Variants in SCN8A observed in about 807,000 individuals in gnomAD.
SCN8A encodes the protein sodium channel protein type 8 subunit alpha.
In SCN8A, 30 loss-of-function variants were observed where a neutral mutation model predicts 184.1. The observed-to-expected ratio is 0.16, with a 90% confidence interval of 0.12 to 0.22. The LOEUF is 0.22. SCN8A is among the 10% of genes least tolerant of loss of function. SCN8A has a pLI of 1.00. For missense variants in SCN8A, 1,057 were observed against 2,498.9 expected (o/e 0.42, Z 12.30); for synonymous variants, 852 against 907.0 (o/e 0.94, Z 1.09).
intron 1 of SCN8A, among the ~76,000 whole-genome samples, chr12:51,619,728 A>G (rs1317572109): frequency 6.6e-6 from 1 of 152,210 alleles, no homozygotes; most frequent in Admixed American, 6.5e-5. Flanking sequence ...AGATGTGTCA[A>G]CAAGCTGTGA....
intron 6 of SCN8A, among the ~76,000 whole-genome samples, chr12:51,696,794 G>T (rs887315933): frequency 3.3e-5 from 5 of 152,018 alleles, no homozygotes; most frequent in African/African-American, 7.3e-5. Context: ...ACTTTGGGAG[G>T]CCAAGGTGGG....
intron 2 of SCN8A, among the ~76,000 whole-genome samples, chr12:51,666,701 C>T (rs1397125007): frequency 1.3e-5 from 2 of 152,058 alleles, no homozygotes; most frequent in Non-Finnish European, 2.9e-5. Context: ...TTCTTATTTC[C>T]TTCCCTCTTT....
At chr12:51,631,011 C>T (rs1174151812) in intron 1 of SCN8A, among the ~76,000 whole-genome samples, 1 of 152,196 alleles carries the variant, frequency 6.6e-6, no homozygotes, top group Admixed American at 6.5e-5. Context: ...CTAATGGCAG[C>T]TTGCTGTGCC....
chr12:51,730,129 C>T (rs1942216935), intron 12 of SCN8A, among the ~76,000 whole-genome samples: 1 of 151,604 alleles, frequency 6.6e-6, no homozygotes, highest in African/African-American at 2.4e-5. Flanking sequence ...GATGCCTACC[C>T]CCAAGAACAT....
At chr12:51,616,511 T>C (rs1442826633) in intron 1 of SCN8A, among the ~76,000 whole-genome samples, 2 of 147,150 alleles carry the variant, frequency 1.4e-5, no homozygotes, top group South Asian at 2.2e-4. Flanking sequence ...ACTCAGGAGG[T>C]TGAGGCAGGA....
intron 6 of SCN8A, among the ~76,000 whole-genome samples, chr12:51,699,325 A>G (rs1941644589): frequency 1.3e-5 from 2 of 152,256 alleles, no homozygotes; most frequent in Non-Finnish European, 1.5e-5. Context: ...CCAGGAAGAA[A>G]GGAGCCACAT....
intron 6 of SCN8A, among the ~76,000 whole-genome samples, chr12:51,692,586 CCTT>C (rs1375260574): frequency 6.6e-6 from 1 of 152,102 alleles, no homozygotes; most frequent in East Asian, 1.9e-4. Context: ...TAGAGGAGAC[CCTT>C]TCTAAATTTT....
intron 6 of SCN8A, among the ~76,000 whole-genome samples, chr12:51,692,257 T>C (rs1381245243): frequency 6.6e-6 from 1 of 152,172 alleles, no homozygotes; most frequent in East Asian, 1.9e-4. Context: ...GAGCTTTTCC[T>C]TTCCTAGAGC....
Position 51,809,557 on chromosome 12 carries a change from A to T in SCN8A, c.*2128A>T, listed in dbSNP as rs1412056977. ...CCGTAGAATTTTTGTACTACACCCA[A>T]TACCAGACTGGGAAGGCCTATCTTT... On this transcript the variant is annotated 3_prime_UTR_variant, in exon 27 of 27. Coordinates refer to ENST00000627620, the MANE Select transcript of SCN8A (RefSeq NM_001330260.2). The T allele has an allele frequency of 6.6e-6, 1 of 152,216 alleles. No individual in the cohort carries two copies. The highest frequency in any genetic ancestry group is 1.5e-5 in the Non-Finnish European group (1 of 68,036). 9.4% of individuals were successfully genotyped at this position (152,216 alleles called of 1,614,324 possible). A position where few individuals can be genotyped will look rare whatever the true frequency, so the allele number is the denominator to read the frequency against.
At position 51,722,036 on chromosome 12, in the gene SCN8A, G is replaced by A; in HGVS notation, c.1998+128G>A. On this transcript the variant is annotated intron_variant, in intron 12 of 26. Coordinates refer to ENST00000627620, the MANE Select transcript of SCN8A (RefSeq NM_001330260.2). ...CTGCTCTGCCCATCCCACTTGGTCT[G>A]TCTGGACCCCACTCCTGTTAACACC... 4 of 1,486,078 alleles carry A rather than the reference G, an allele frequency of 2.7e-6. No individual in the cohort carries two copies. The South Asian group carries it at 4.7e-5, about 17-fold the overall frequency. The allele number at this position is 1,486,078 out of a possible 1,614,324, so 92.1% of individuals were successfully genotyped here.
chr12:51,799,874 G>A (rs968671135), intron 26 of SCN8A, among the ~76,000 whole-genome samples: 2 of 152,134 alleles, frequency 1.3e-5, no homozygotes, highest in African/African-American at 4.8e-5. Context: ...TCAGCACTGG[G>A]CCCCTAGAAA....
At chr12:51,750,895 ACCCTGT>A (rs1338888914) in intron 13 of SCN8A, among the ~76,000 whole-genome samples, 1 of 152,228 alleles carries the variant, frequency 6.6e-6, no homozygotes, top group Non-Finnish European at 1.5e-5. Flanking sequence ...TTGAGGATTT[ACCCTGT>A]GCCAGATACT....
intron 1 of SCN8A, among the ~76,000 whole-genome samples, chr12:51,642,082 C>T (rs1418820600): frequency 6.6e-6 from 1 of 152,222 alleles, no homozygotes; most frequent in Non-Finnish European, 1.5e-5. Context: ...TCTGCAGCGT[C>T]AGCCACATTC....
intron 1 of SCN8A, among the ~76,000 whole-genome samples, chr12:51,645,963 AAAT>A (rs1555212655): frequency 8.9e-5 from 12 of 134,092 alleles, no homozygotes; most frequent in African/African-American, 2.6e-4. Context: ...AAAAAAAAAA[AAAT>A]AATAATAAAA....
chr12:51,633,668 C>T (rs1226746220), intron 1 of SCN8A, among the ~76,000 whole-genome samples: 1 of 152,166 alleles, frequency 6.6e-6, no homozygotes, highest in Non-Finnish European at 1.5e-5. Context: ...GGGGTGTACT[C>T]ACTGTTGGAT....
intron 1 of SCN8A, among the ~76,000 whole-genome samples, chr12:51,655,762 C>T (rs1486530853): frequency 6.6e-6 from 1 of 152,186 alleles, no homozygotes; most frequent in Non-Finnish European, 1.5e-5. Flanking sequence ...AGTTCAATCT[C>T]TTTTAGAACT....
chr12:51,630,869 T>C (rs561185873), intron 1 of SCN8A, among the ~76,000 whole-genome samples: 29 of 152,310 alleles, frequency 1.9e-4, no homozygotes, highest in African/African-American at 7.0e-4. Context: ...TTTCAAGACT[T>C]GTCAATCTTT....
chr12:51,778,495 G>T (rs1257671581), intron 20 of SCN8A, among the ~76,000 whole-genome samples: 1 of 151,954 alleles, frequency 6.6e-6, no homozygotes, highest in African/African-American at 2.4e-5. Context: ...CACCATGTTG[G>T]CCAGGCTGGT....
intron 11 of SCN8A, among the ~76,000 whole-genome samples, chr12:51,714,403 A>G (rs962089071): frequency 3.9e-4 from 59 of 152,334 alleles, no homozygotes; most frequent in African/African-American, 1.4e-3. Context: ...TACACACAAG[A>G]TTTTAAAACT....
Sources: allele counts gnomAD v4.1 joint callset (sites outside exome capture counted in the v4.1 genomes callset), GRCh38; gene constraint gnomAD v4.1.1; transcripts MANE v1.5; gene names NCBI Gene and HGNC (gene_info 2026-07-23, HGNC 2026-07-21).